HIPK3: variants seen among roughly 807,000 people sequenced by gnomAD.
HIPK3 encodes the protein homeodomain-interacting protein kinase 3.
A neutral mutation model predicts 124.2 loss-of-function variants in HIPK3; 47 were observed. The observed-to-expected ratio is 0.38, with a 90% CI of 0.30 to 0.48. The LOEUF is 0.48. HIPK3 is among the 20% of genes least tolerant of loss of function. The pLI, the probability that HIPK3 is intolerant of heterozygous loss-of-function variation, is 0.98. For synonymous variants in HIPK3, 482 were observed against 515.2 expected, an observed-to-expected ratio of 0.94 and a Z score of 0.87; for missense variants, 1,286 against 1,454.3, an observed-to-expected ratio of 0.88 and a Z score of 1.88.
At chr11:33,348,436 T>C (rs1320584897) in intron 12 of HIPK3, 86 bp from the exon 13 acceptor site, 1 of 1,196,298 alleles carries the variant, frequency 8.4e-7, no homozygotes, top group African/African-American at 1.5e-5. Context: ...GTGAAGGTTC[T>C]CATTTTCTGG....
chr11:33,299,658 T>G (rs975359631), intron 2 of HIPK3, among the ~76,000 whole-genome samples: 1 of 152,132 alleles, frequency 6.6e-6, no homozygotes, highest in Admixed American at 6.6e-5. Context: ...AAAACATCAT[T>G]AAATAGCATC....
intron 1 of HIPK3, among the ~76,000 whole-genome samples, chr11:33,282,184 C>T (rs1013039872): frequency 4.0e-5 from 6 of 151,380 alleles, no homozygotes; most frequent in African/African-American, 1.5e-4. Context: ...CCCAGGAGTT[C>T]GAGACCAGCC....
At chr11:33,351,951 T>A in intron 15 of HIPK3, 108 bp downstream of exon 15, 1 of 1,061,820 alleles carries the variant, frequency 9.4e-7, no homozygotes, top group Non-Finnish European at 1.4e-6. Flanking sequence ...GACTTGACCC[T>A]GCCTTATGTA....
chr11:33,351,481 A>G, intron 14 of HIPK3, 127 bp from the exon 15 acceptor site: 1 of 652,282 alleles, frequency 1.5e-6, no homozygotes, highest in Non-Finnish European at 2.6e-6. Flanking sequence ...GACAAGGAAA[A>G]AGGTGTAATT....
intron 2 of HIPK3, among the ~76,000 whole-genome samples, chr11:33,326,552 C>T (rs937878093): frequency 6.6e-6 from 1 of 152,030 alleles, no homozygotes; most frequent in African/African-American, 2.4e-5. Flanking sequence ...AGGACTGGAG[C>T]AGGGAAAGAA....
At chr11:33,272,561 C>T (rs1456853169) in intron 1 of HIPK3, among the ~76,000 whole-genome samples, 2 of 152,116 alleles carry the variant, frequency 1.3e-5, no homozygotes, top group Admixed American at 1.3e-4. Context: ...GCTGTATCAC[C>T]TTCCTCAAAG....
At position 33,307,628 on chromosome 11, in the gene HIPK3, GATCTCCTGACCTC is replaced by G. The variant is rs1393833382; in HGVS notation, c.1097+20120_1097+20132del. ...TCACCGTGTTAGCCAGGATGGTCTC[GATCTCCTGACCTC>G]ATGATCCGCCCGCCTCGGCCTCCCA... On this transcript the variant is annotated intron_variant, in intron 2 of 16. Coordinates refer to ENST00000303296, the MANE Select transcript of HIPK3 (RefSeq NM_005734.5). Among the ~76,000 whole-genome samples the G allele has an allele frequency of 2.0e-5, 3 of 150,254 alleles. No individual in the cohort carries two copies. In the East Asian group the frequency reaches 5.9e-4, roughly 30 times the overall value.
At chr11:33,342,264 G>A (rs1306931604) in intron 8 of HIPK3, among the ~76,000 whole-genome samples, 2 of 152,000 alleles carry the variant, frequency 1.3e-5, no homozygotes, top group African/African-American at 2.4e-5. Context: ...TACCTTAATA[G>A]GAATGAATGA....
intron 2 of HIPK3, among the ~76,000 whole-genome samples, chr11:33,316,451 G>A (rs971770464): frequency 1.3e-5 from 2 of 152,162 alleles, no homozygotes; most frequent in African/African-American, 2.4e-5. Context: ...TCTACACAGC[G>A]ATAGAAGCTT....
intron 7 of HIPK3, 79 bp from the exon 8 acceptor site, chr11:33,341,484 A>G (rs899831925): frequency 1.3e-5 from 17 of 1,289,502 alleles, no homozygotes; most frequent in Non-Finnish European, 1.7e-5. Flanking sequence ...TGATCTTAAG[A>G]AATGTGTTTG....
At chr11:33,339,280 TA>T in intron 5 of HIPK3, 69 bp from the exon 6 acceptor site, 1 of 1,187,868 alleles carries the variant, frequency 8.4e-7, no homozygotes, top group Non-Finnish European at 1.2e-6. Context: ...TTTTATTTTT[TA>T]ACGGTGGAAT....
At chr11:33,273,781 A>G (rs1851202001) in intron 1 of HIPK3, among the ~76,000 whole-genome samples, 1 of 152,156 alleles carries the variant, frequency 6.6e-6, no homozygotes, top group African/African-American at 2.4e-5. Flanking sequence ...TTTCATAAAG[A>G]TTTTTAAAAA....
At chr11:33,351,914 C>T in intron 15 of HIPK3, 71 bp downstream of exon 15, 2 of 1,289,876 alleles carry the variant, frequency 1.6e-6, no homozygotes, top group Non-Finnish European at 2.2e-6. Flanking sequence ...TCTGAGAATG[C>T]AGTTGCCAAA....
intron 2 of HIPK3, among the ~76,000 whole-genome samples, chr11:33,303,758 T>G (rs1199730695): frequency 6.6e-6 from 1 of 152,166 alleles, no homozygotes; most frequent in African/African-American, 2.4e-5. Context: ...GGCCAGTGAA[T>G]AATTTAGGCA....
intron 2 of HIPK3, among the ~76,000 whole-genome samples, chr11:33,326,914 C>T (rs1328457164): frequency 6.6e-6 from 1 of 152,046 alleles, no homozygotes; most frequent in Non-Finnish European, 1.5e-5. Flanking sequence ...CTCTTGGGCT[C>T]AAGCAATCCT....
rs1242692660 is a variant in HIPK3 at position 33,257,541 on chromosome 11, C to T, written c.-351C>T. On this transcript the variant is annotated 5_prime_UTR_variant, in exon 1 of 17. Transcript: ENST00000303296. The stretch of plus-strand genomic sequence containing the variant: ...TCGCCGTGGGCCCCGCACCCTGCGT[C>T]GCCCGTAGGCCCCAGTAGCCGGAGG... 8.1e-6 allele frequency: 8 copies of T among 985,448 alleles called. No homozygotes were observed. The highest frequency in any genetic ancestry group is 9.6e-6 in the Non-Finnish European group (8 of 830,052). The allele number at this position is 985,448 out of a possible 1,614,324, so 61.0% of individuals were successfully genotyped here.
chr11:33,318,000 T>A (rs1852555279), intron 2 of HIPK3, among the ~76,000 whole-genome samples: 1 of 152,202 alleles, frequency 6.6e-6, no homozygotes, highest in Non-Finnish European at 1.5e-5. Flanking sequence ...TCTATGTATT[T>A]AATGTGAAAG....
Position 33,288,994 on chromosome 11 carries a change from G to A in HIPK3, c.1097+1483G>A, listed in dbSNP as rs58419195. On this transcript the variant is annotated intron_variant, in intron 2 of 16. Transcript: ENST00000303296. Reference sequence around the variant, plus strand: ...ACTGCATTTGCCTTTCACTGTACCTGATTACCCTTCTTGCAAGTATATGCT... The same window carrying A: ...ACTGCATTTGCCTTTCACTGTACCTAATTACCCTTCTTGCAAGTATATGCT... Among the ~76,000 whole-genome samples, 344 of 152,226 alleles carry A rather than the reference G, an allele frequency of 2.3e-3. 1 individual carries two copies. Among genetic ancestry groups the A allele is most frequent in the African/African-American group, 7.7e-3 (320 of 41,526 alleles).
intron 3 of HIPK3, among the ~76,000 whole-genome samples, chr11:33,336,612 A>G (rs961223563): frequency 3.3e-5 from 5 of 152,092 alleles, no homozygotes; most frequent in African/African-American, 1.2e-4. Context: ...ATATAATCCA[A>G]ATTTCTTAAT....
Sources: allele counts gnomAD v4.1 joint callset (sites outside exome capture counted in the v4.1 genomes callset), GRCh38; gene constraint gnomAD v4.1.1; transcripts MANE v1.5; gene names NCBI Gene and HGNC (gene_info 2026-07-23, HGNC 2026-07-21).